VPS13C: variants seen among roughly 807,000 people sequenced by gnomAD.
VPS13C encodes the protein intermembrane lipid transfer protein VPS13C.
Under a neutral mutation model 456.8 loss-of-function variants are expected in VPS13C, and 358 were observed. That is an observed-to-expected ratio of 0.78 (90% CI 0.72 to 0.86). The LOEUF is 0.86. VPS13C is among the 40% of genes least tolerant of loss of function. VPS13C has a pLI of 0.00. For missense variants in VPS13C, 4,818 were observed against 4,385.4 expected (o/e 1.10, Z -2.79); for synonymous variants, 1,578 against 1,486.7 (o/e 1.06, Z -1.41).
At chr15:62,049,303 G>A (rs1431151654) in intron 1 of VPS13C, among the ~76,000 whole-genome samples, 1 of 152,188 alleles carries the variant, frequency 6.6e-6, no homozygotes, top group East Asian at 1.9e-4. Flanking sequence ...AAGGGATCCA[G>A]TTTCAGCTTT....
In VPS13C at chr15:61,880,604, C is replaced by T. The variant is rs1349089466; in HGVS notation, c.10002+5G>A. 2 of 1,541,632 alleles carry T rather than the reference C, an allele frequency of 1.3e-6. No homozygotes were observed. The highest frequency in any genetic ancestry group is 1.8e-6 in the Non-Finnish European group (2 of 1,138,774). On this transcript the variant is annotated splice_donor_5th_base_variant and intron_variant, in intron 73 of 84. Transcript: ENST00000644861. ...TAAATTTTCAAAATAATAATTACAA[C>T]AAACCTTCACAGGAGAAATATGGAA...
intron 67 of VPS13C, among the ~76,000 whole-genome samples, chr15:61,887,054 A>G (rs1896321653): frequency 6.6e-6 from 1 of 152,194 alleles, no homozygotes; most frequent in Non-Finnish European, 1.5e-5. Context: ...CTGGAAGTCC[A>G]AGATGTGATA....
chr15:62,020,319 T>C (rs1483996499), intron 9 of VPS13C, among the ~76,000 whole-genome samples, 160 bp downstream of exon 9: 1 of 152,008 alleles, frequency 6.6e-6, no homozygotes, highest in Non-Finnish European at 1.5e-5. Flanking sequence ...AATAATAGCA[T>C]CACTAAAAAT....
chr15:61,935,927 C>G (rs1373978235), intron 48 of VPS13C, among the ~76,000 whole-genome samples: 1 of 152,112 alleles, frequency 6.6e-6, no homozygotes, highest in African/African-American at 2.4e-5. Flanking sequence ...GCAAGGGGTA[C>G]TTCATCTCTT....
chr15:61,954,338 A>G, intron 38 of VPS13C, 83 bp downstream of exon 38: 2 of 1,461,930 alleles, frequency 1.4e-6, no homozygotes, highest in South Asian at 1.3e-5. Context: ...ATCAGTATCA[A>G]TTATCTGTAA....
At chr15:61,931,477 T>A (rs1325080540) in intron 49 of VPS13C, among the ~76,000 whole-genome samples, 1 of 151,988 alleles carries the variant, frequency 6.6e-6, no homozygotes, top group South Asian at 2.1e-4. Flanking sequence ...TATCCAACAA[T>A]GATTAGTATA....
chr15:61,915,579 G>A, intron 61 of VPS13C, 54 bp downstream of exon 61: 9 of 1,497,320 alleles, frequency 6.0e-6, no homozygotes, highest in Non-Finnish European at 8.0e-6. Flanking sequence ...TGACTCCCAA[G>A]TTTCTAGATT....
At chr15:62,056,018 GTCAAATA>G (rs2048783738) in intron 1 of VPS13C, among the ~76,000 whole-genome samples, 1 of 152,158 alleles carries the variant, frequency 6.6e-6, no homozygotes, top group Non-Finnish European at 1.5e-5. Flanking sequence ...CTCAGACACT[GTCAAATA>G]TACCCTGGGT....
intron 29 of VPS13C, among the ~76,000 whole-genome samples, chr15:61,967,039 CTT>C (rs764220708): frequency 1.3e-5 from 2 of 151,798 alleles, no homozygotes; most frequent in Non-Finnish European, 2.9e-5. Context: ...TGACTTTATC[CTT>C]TTTGATGCAG....
At chr15:61,917,250 A>G (rs2043500980) in intron 60 of VPS13C, 91 bp downstream of exon 60, 2 of 1,354,168 alleles carry the variant, frequency 1.5e-6, no homozygotes, top group African/African-American at 2.9e-5. Context: ...TACGCTATAT[A>G]AAACACTGAC....
intron 57 of VPS13C, 89 bp from the exon 58 acceptor site, chr15:61,919,538 A>G: frequency 7.8e-7 from 1 of 1,278,316 alleles, no homozygotes; most frequent in Non-Finnish European, 1.0e-6. Flanking sequence ...AATAATGAAG[A>G]GTATTTTTCC....
At chr15:61,894,591 T>A (rs1277857565) in intron 66 of VPS13C, among the ~76,000 whole-genome samples, 2 of 150,840 alleles carry the variant, frequency 1.3e-5, no homozygotes, top group Admixed American at 6.6e-5. Context: ...GTAGCTATGC[T>A]TAGTTACATC....
At chr15:61,873,474 G>A (rs900325239) in intron 77 of VPS13C, 65 bp from the exon 78 acceptor site, 1 of 1,455,630 alleles carries the variant, frequency 6.9e-7, no homozygotes, top group African/African-American at 1.4e-5. Flanking sequence ...TCAACAGCAA[G>A]AAAACAAATA....
At chr15:61,872,659 A>G (rs1027939698) in intron 78 of VPS13C, among the ~76,000 whole-genome samples, 10 of 152,122 alleles carry the variant, frequency 6.6e-5, no homozygotes, top group African/African-American at 2.4e-4. Context: ...TATTCTATGA[A>G]CACACAGAAA....
chr15:61,983,639 G>T, intron 20 of VPS13C, 181 bp downstream of exon 20: 1 of 595,700 alleles, frequency 1.7e-6, no homozygotes, highest in Non-Finnish European at 2.8e-6. Flanking sequence ...AAAATGTATT[G>T]CATATGAAAA....
At chr15:62,015,866 T>A (rs573791264) in intron 9 of VPS13C, among the ~76,000 whole-genome samples, 1 of 135,340 alleles carries the variant, frequency 7.4e-6, no homozygotes, top group Non-Finnish European at 1.5e-5. Context: ...CGCACCAGCA[T>A]GGCACATGTA....
intron 47 of VPS13C, among the ~76,000 whole-genome samples, chr15:61,939,468 T>C (rs560612543): frequency 2.6e-5 from 4 of 152,354 alleles, no homozygotes; most frequent in East Asian, 3.9e-4. Context: ...TCCTATTTCA[T>C]GTTAGAACCA....
chr15:62,003,194 T>C (rs2046699707), intron 15 of VPS13C, among the ~76,000 whole-genome samples: 1 of 151,954 alleles, frequency 6.6e-6, no homozygotes, highest in African/African-American at 2.4e-5. Flanking sequence ...TTTTATTTCA[T>C]TGAGCAGTGG....
At chr15:61,968,319 A>T (rs912978501) in intron 28 of VPS13C, among the ~76,000 whole-genome samples, 32 of 152,248 alleles carry the variant, frequency 2.1e-4, no homozygotes, top group African/African-American at 7.0e-4. Flanking sequence ...AAAAATTTTT[A>T]AAATCAACAT....
Sources: allele counts gnomAD v4.1 joint callset (sites outside exome capture counted in the v4.1 genomes callset), GRCh38; gene constraint gnomAD v4.1.1; transcripts MANE v1.5; gene names NCBI Gene and HGNC (gene_info 2026-07-23, HGNC 2026-07-21).